Variants in MICAL2 observed in about 807,000 individuals in gnomAD.
MICAL2 encodes [F-actin]-monooxygenase MICAL2.
MICAL2 carries 77 observed loss-of-function variants against 127.3 expected under a neutral mutation model. The ratio of observed to expected loss-of-function variants is 0.60; its 90% confidence interval spans 0.50 to 0.73. The LOEUF (loss-of-function observed/expected upper bound fraction) is 0.73, where lower values mean the gene tolerates loss of function less well. MICAL2 is among the 30% of genes least tolerant of loss of function. The pLI, the probability that MICAL2 is intolerant of heterozygous loss-of-function variation, is 0.00. For missense variants in MICAL2, 1,351 were observed against 1,434.4 expected (o/e 0.94, Z 0.94); for synonymous variants, 570 against 551.1 (o/e 1.03, Z -0.48).
chr11:12,226,520 C>A, intron 14 of MICAL2, 150 bp downstream of exon 14: 1 of 692,590 alleles, frequency 1.4e-6, no homozygotes, highest in Non-Finnish European at 2.4e-6. Context: ...TGACTCCACT[C>A]ACCCAGCCCC....
Position 12,230,620 on chromosome 11 carries a change from G to A in MICAL2, c.1995+3489G>A, listed in dbSNP as rs150070012. On this transcript the variant is annotated intron_variant, in intron 15 of 27. Coordinates refer to ENST00000683283, the MANE Select transcript of MICAL2 (RefSeq NM_001282663.2). ...TGAGTGCACATTTATTTACAATGTGGCATCTTCATCTGAAGAGGATCTGCT... is the reference window on the plus strand; with the variant it reads ...TGAGTGCACATTTATTTACAATGTGACATCTTCATCTGAAGAGGATCTGCT... Among the ~76,000 whole-genome samples, 245 of 152,232 alleles carry A rather than the reference G, an allele frequency of 1.6e-3. 1 individual carries two copies. The highest frequency in any genetic ancestry group is 5.5e-3 in the African/African-American group (229 of 41,542).
chr11:12,275,698 A>T (rs181253434), upstream of MICAL2, among the ~76,000 whole-genome samples: 1 of 152,258 alleles, frequency 6.6e-6, no homozygotes, highest in African/African-American at 2.4e-5. Context: ...GCAGCAGTTC[A>T]GAGGCTGGTT....
chr11:12,239,695 G>GCTC, intron 17 of MICAL2, 110 bp downstream of exon 17: 4 of 1,309,420 alleles, frequency 3.1e-6, no homozygotes, highest in Non-Finnish European at 4.1e-6. Context: ...GTCCCAAGGA[G>GCTC]ACTTGAGCTC....
chr11:12,301,389 C>T (rs903739573), intron 29 of MICAL2, among the ~76,000 whole-genome samples: 4 of 152,124 alleles, frequency 2.6e-5, no homozygotes, highest in Non-Finnish European at 4.4e-5. Context: ...ATAATTTATT[C>T]GTGCCTTCTG....
In MICAL2 at chr11:12,209,581, G is replaced by T. The variant is rs766049584; in HGVS notation, c.674G>T (p.Arg225Leu). ...EFDVIIGADG[R>L]RNTLEGFRRK... ...GACGTCATCATTGGTGCCGATGGCCGCAGGAACACCCTGGAAGGTGAAGAC... is the reference window on the plus strand; with the variant it reads ...GACGTCATCATTGGTGCCGATGGCCTCAGGAACACCCTGGAAGGTGAAGAC... Residue 225 changes from arginine to leucine, a missense_variant, in exon 6 of 28, where the codon CGC (arginine) becomes CTC (leucine). Physicochemically the swap from Arg to Leu is moderately radical, Grantham distance 102. Coordinates refer to ENST00000683283, the MANE Select transcript of MICAL2 (RefSeq NM_001282663.2). 2 of 1,613,658 alleles carry T rather than the reference G, an allele frequency of 1.2e-6. No individual in the cohort carries two copies.
intron 1 of MICAL2, among the ~76,000 whole-genome samples, chr11:12,134,798 T>A (rs1851705907): frequency 6.6e-6 from 1 of 151,756 alleles, no homozygotes; most frequent in East Asian, 1.9e-4. Flanking sequence ...AAGATCAGCA[T>A]AGTCAATATA....
intron 1 of MICAL2, among the ~76,000 whole-genome samples, chr11:12,119,998 C>A (rs1197694593): frequency 6.6e-6 from 1 of 152,212 alleles, no homozygotes; most frequent in Admixed American, 6.5e-5. Context: ...CAGTCTAAGG[C>A]AGCTGTGCTT....
chr11:12,231,364 T>G (rs548008100), intron 15 of MICAL2, among the ~76,000 whole-genome samples: 1 of 152,322 alleles, frequency 6.6e-6, no homozygotes, highest in East Asian at 1.9e-4. Flanking sequence ...CCTCCAGCAC[T>G]GGTCCCTGAC....
chr11:12,308,153 G>A (rs1864134186), intron 29 of MICAL2: 1 of 152,276 alleles, frequency 6.6e-6, no homozygotes, highest in Admixed American at 6.5e-5. Flanking sequence ...GCTTCCCAAA[G>A]TGCTGGGATT....
At chr11:12,156,688 C>T (rs1854221127) in intron 2 of MICAL2, among the ~76,000 whole-genome samples, 1 of 152,188 alleles carries the variant, frequency 6.6e-6, no homozygotes, top group Non-Finnish European at 1.5e-5. Context: ...GGTCTGTAGG[C>T]CCCACCTGGG....
intron 2 of MICAL2, among the ~76,000 whole-genome samples, chr11:12,157,273 G>A (rs1481736738): frequency 6.6e-6 from 1 of 152,170 alleles, no homozygotes; most frequent in African/African-American, 2.4e-5. Context: ...ATCGGGATGG[G>A]GAGGCTCCTC....
Position 12,110,689 on chromosome 11 carries a change from A to T in MICAL2, c.-186A>T, listed in dbSNP as rs1849523593. 1 of 144,434 alleles carries T rather than the reference A, an allele frequency of 6.9e-6. No individual in the cohort carries two copies. Among genetic ancestry groups the T allele is most frequent in the Admixed American group, 6.8e-5 (1 of 14,600 alleles). The allele number at this position is 144,434 out of a possible 1,614,324, so 8.9% of individuals were successfully genotyped here. ...CTGCGCCCGCGGCCAGGGCCGAGGC[A>T]GGCCTGACCCGGGGCCGGGCAGCCC... On this transcript the variant is annotated 5_prime_UTR_variant, in exon 1 of 28. Transcript: ENST00000683283. The surrounding 1 kb of genome is among the most constrained non-coding windows in gnomAD (Gnocchi z 4.5).
chr11:12,126,605 T>TG (rs1163420993), intron 1 of MICAL2, among the ~76,000 whole-genome samples: 2 of 151,854 alleles, frequency 1.3e-5, no homozygotes, highest in Non-Finnish European at 2.9e-5. Flanking sequence ...ACCTACTATG[T>TG]GCCCTAGGCT....
At chr11:12,334,162 T>C (rs891068672) in intron 32 of MICAL2, among the ~76,000 whole-genome samples, 2 of 152,232 alleles carry the variant, frequency 1.3e-5, no homozygotes, top group Non-Finnish European at 2.9e-5. Flanking sequence ...AGTCACACTC[T>C]GTTATCCACA....
At chr11:12,157,048 A>C (rs974035183) in intron 2 of MICAL2, among the ~76,000 whole-genome samples, 1 of 152,218 alleles carries the variant, frequency 6.6e-6, no homozygotes, top group Non-Finnish European at 1.5e-5. Context: ...TTTGTCTGTG[A>C]GCCTCAAGGG....
At chr11:12,266,945 G>A (rs114576276), downstream of MICAL2, among the ~76,000 whole-genome samples, 296 of 152,322 alleles carry the variant, frequency 1.9e-3, 1 homozygote, top group African/African-American at 6.3e-3. Context: ...AGCATAGAGC[G>A]CCCAGAGGAA....
At chr11:12,173,048 A>G (rs1856457046) in intron 3 of MICAL2, among the ~76,000 whole-genome samples, 1 of 152,086 alleles carries the variant, frequency 6.6e-6, no homozygotes, top group African/African-American at 2.4e-5. Context: ...TATGTATTAT[A>G]ATTATATTAC....
At chr11:12,180,099 T>C (rs1857256128) in intron 3 of MICAL2, among the ~76,000 whole-genome samples, 1 of 152,146 alleles carries the variant, frequency 6.6e-6, no homozygotes, top group African/African-American at 2.4e-5. Context: ...CCTGTGCTAG[T>C]AGAAATGCTT....
At chr11:12,141,086 C>T (rs16910632) in intron 2 of MICAL2, among the ~76,000 whole-genome samples, 4,078 of 152,180 alleles carry the variant, frequency 0.027, 202 homozygotes, top group African/African-American at 0.092. Flanking sequence ...TCAAAATATC[C>T]GCTGGGTCTG....
Sources: allele counts gnomAD v4.1 joint callset (sites outside exome capture counted in the v4.1 genomes callset), GRCh38; gene constraint gnomAD v4.1.1; non-coding constraint Gnocchi (gnomAD v3.1); transcripts MANE v1.5; gene names NCBI Gene and HGNC (gene_info 2026-07-23, HGNC 2026-07-21).